The following KSR2 variants were observed in gnomAD, a reference collection of about 807,000 sequenced individuals.
KSR2 encodes kinase suppressor of ras 2.
Under a neutral mutation model 107.8 loss-of-function variants are expected in KSR2, and 25 were observed. The ratio of observed to expected loss-of-function variants is 0.23; its 90% CI spans 0.17 to 0.32. KSR2 has a LOEUF of 0.32. Among genes scored for constraint, KSR2 ranks in the 10% least tolerant of loss-of-function variants. The pLI is 1.00. For missense variants in KSR2, 887 were observed against 1,268.9 expected, an observed-to-expected ratio of 0.70 and a Z score of 4.57; for synonymous variants, 480 against 507.0, an observed-to-expected ratio of 0.95 and a Z score of 0.71.
chr12:117,822,331 G>A (rs895770996), intron 3 of KSR2, among the ~76,000 whole-genome samples: 9 of 151,994 alleles, frequency 5.9e-5, no homozygotes, highest in South Asian at 4.2e-4. Context: ...TTTCTTGCAC[G>A]AGATGCGTGA....
chr12:117,828,284 A>T (rs1192811088), intron 3 of KSR2, among the ~76,000 whole-genome samples: 1 of 152,182 alleles, frequency 6.6e-6, no homozygotes, highest in Non-Finnish European at 1.5e-5. Flanking sequence ...CACTTGTTTC[A>T]ACCTATGATT....
At chr12:117,610,941 A>G (rs1881562203) in intron 5 of KSR2, among the ~76,000 whole-genome samples, 1 of 152,146 alleles carries the variant, frequency 6.6e-6, no homozygotes, top group African/African-American at 2.4e-5. Context: ...GCAATAAACC[A>G]TAGTATTGTG....
intron 5 of KSR2, among the ~76,000 whole-genome samples, chr12:117,661,060 G>A (rs891332699): frequency 1.3e-5 from 2 of 152,202 alleles, no homozygotes; most frequent in African/African-American, 2.4e-5. Context: ...GCCACTTAAT[G>A]TAGGCATCCT....
At chr12:117,955,768 G>A (rs1014520391) in intron 1 of KSR2, among the ~76,000 whole-genome samples, 11 of 150,738 alleles carry the variant, frequency 7.3e-5, no homozygotes, top group East Asian at 1.9e-4. Flanking sequence ...CAGAGAAATC[G>A]CTTCAGTGCT....
intron 5 of KSR2, among the ~76,000 whole-genome samples, chr12:117,616,161 G>C (rs80167347): frequency 3.5e-5 from 4 of 114,208 alleles, no homozygotes; most frequent in Admixed American, 1.8e-4. Context: ...ACCCTGTCTC[G>C]AAAAAAAAAA....
At chr12:117,570,157 C>T (rs912061449) in intron 7 of KSR2, among the ~76,000 whole-genome samples, 10 of 152,260 alleles carry the variant, frequency 6.6e-5, no homozygotes, top group East Asian at 1.9e-4. Flanking sequence ...CGCCTGCCAC[C>T]GCGCCCGGCT....
Position 117,742,826 on chromosome 12 carries a change from ACTCT to A in KSR2, c.986+18181_986+18184del, listed in dbSNP as rs948421352. On this transcript the variant is annotated intron_variant, in intron 4 of 19. Transcript: ENST00000339824. The stretch of plus-strand genomic sequence containing the variant: ...GAAAAAGAAGACTTGTCATTCAGAG[ACTCT>A]CTCTTCTTAACAAAAGCCACCACCC... Among the ~76,000 whole-genome samples, 4 of 151,998 alleles carry A rather than the reference ACTCT, an allele frequency of 2.6e-5. 1 individual carries two copies. Among genetic ancestry groups the A allele is most frequent in the African/African-American group, 9.7e-5 (4 of 41,346 alleles).
chr12:117,801,485 G>A (rs1032415396), intron 3 of KSR2, among the ~76,000 whole-genome samples: 5 of 152,202 alleles, frequency 3.3e-5, no homozygotes, highest in African/African-American at 1.2e-4. Context: ...TCCTCAGGCT[G>A]TCCAGGAAGG....
intron 9 of KSR2, among the ~76,000 whole-genome samples, chr12:117,550,075 G>A (rs1877182415): frequency 6.6e-6 from 1 of 152,148 alleles, no homozygotes; most frequent in South Asian, 2.1e-4. Flanking sequence ...AAGGCTAATG[G>A]CATAATTCCT....
chr12:117,853,110 G>T (rs1892983111), intron 3 of KSR2, among the ~76,000 whole-genome samples: 1 of 151,628 alleles, frequency 6.6e-6, no homozygotes, highest in Non-Finnish European at 1.5e-5. Flanking sequence ...GCCAAAATAT[G>T]CAAATGTTCC....
chr12:117,593,545 G>T (rs1880447894), intron 5 of KSR2, among the ~76,000 whole-genome samples: 2 of 152,382 alleles, frequency 1.3e-5, no homozygotes, highest in Middle Eastern at 3.4e-3. Context: ...GCCCGAGTTG[G>T]AATGTGCAAA....
intron 14 of KSR2, among the ~76,000 whole-genome samples, chr12:117,504,459 G>A (rs1295890083): frequency 1.3e-5 from 2 of 152,072 alleles, no homozygotes; most frequent in South Asian, 4.1e-4. Context: ...TCTTAACTCC[G>A]GGGCACTAAA....
At chr12:117,863,575 G>T (rs1351410270) in intron 1 of KSR2, among the ~76,000 whole-genome samples, 1 of 152,162 alleles carries the variant, frequency 6.6e-6, no homozygotes, top group Non-Finnish European at 1.5e-5. Context: ...AAAGAACATC[G>T]AATCCACCTC....
At chr12:117,681,812 T>C (rs774254031) in intron 4 of KSR2, among the ~76,000 whole-genome samples, 3 of 152,170 alleles carry the variant, frequency 2.0e-5, no homozygotes, top group Admixed American at 1.3e-4. Context: ...ACTTTTACAC[T>C]ACTGGCAGGA....
intron 4 of KSR2, among the ~76,000 whole-genome samples, chr12:117,758,293 C>A (rs1024518682): frequency 1.3e-5 from 2 of 152,160 alleles, no homozygotes; most frequent in East Asian, 1.9e-4. Context: ...TCAGAATTCA[C>A]CTCTACCCAT....
chr12:117,771,503 C>T (rs1889449575), intron 3 of KSR2, among the ~76,000 whole-genome samples: 1 of 152,186 alleles, frequency 6.6e-6, no homozygotes, highest in Non-Finnish European at 1.5e-5. Context: ...CATCTTCAGC[C>T]TCGGCAAAAT....
At chr12:117,752,151 A>T (rs1356691995) in intron 4 of KSR2, among the ~76,000 whole-genome samples, 1 of 152,236 alleles carries the variant, frequency 6.6e-6, no homozygotes, top group East Asian at 1.9e-4. Context: ...ACGAAATATG[A>T]ATTAGTTGGA....
At chr12:117,536,944 G>T (rs1340666489) in intron 10 of KSR2, among the ~76,000 whole-genome samples, 1 of 152,236 alleles carries the variant, frequency 6.6e-6, no homozygotes, top group Admixed American at 6.5e-5. Context: ...TGGCTATGGT[G>T]GTTCACACCT....
intron 9 of KSR2, among the ~76,000 whole-genome samples, chr12:117,553,597 T>A (rs144858775): frequency 1.3e-5 from 2 of 152,280 alleles, no homozygotes; most frequent in Non-Finnish European, 2.9e-5. Context: ...TGGGCTGATG[T>A]GCTTTTTCCA....
Sources: allele counts gnomAD v4.1 joint callset (sites outside exome capture counted in the v4.1 genomes callset), GRCh38; gene constraint gnomAD v4.1.1; transcripts MANE v1.5; gene names NCBI Gene and HGNC (gene_info 2026-07-23, HGNC 2026-07-21).